Variants in COL6A6 observed in about 807,000 individuals in gnomAD.
COL6A6 encodes the protein collagen type VI alpha 6 chain.
Under a neutral mutation model 208.6 loss-of-function variants are expected in COL6A6, and 183 were observed. The ratio of observed to expected loss-of-function variants is 0.88; its 90% CI spans 0.78 to 0.99. COL6A6 has a LOEUF of 0.99. COL6A6 is among the 50% of genes least tolerant of loss of function. The pLI is 0.00. For synonymous variants in COL6A6, 973 were observed against 1,011.8 expected, an observed-to-expected ratio of 0.96 and a Z score of 0.73; for missense variants, 2,816 against 2,815.2, an observed-to-expected ratio of 1.00 and a Z score of -0.01.
rs78323304 is a variant in COL6A6 at position 130,602,593 on chromosome 3, C to T, written c.4653+2783C>T. 2.4e-3 allele frequency among the ~76,000 whole-genome samples: 372 copies of T among 152,170 alleles called. 2 individuals are homozygous for T. The highest frequency in any genetic ancestry group is 8.4e-3 in the African/African-American group (348 of 41,520). ...CACAGACAATAGAAAGTGAAGAAAG[C>T]AAGTTGGCAGGGCTTGAGGAGAAAT... On this transcript the variant is annotated intron_variant, in intron 20 of 36. Coordinates refer to ENST00000358511, the MANE Select transcript of COL6A6 (RefSeq NM_001102608.3).
intron 23 of COL6A6, among the ~76,000 whole-genome samples, chr3:130,611,238 G>A (rs1248017296): frequency 6.6e-6 from 1 of 151,730 alleles, no homozygotes; most frequent in African/African-American, 2.4e-5. Flanking sequence ...CAGATTCACA[G>A]TGCAGAAGAA....
intron 36 of COL6A6, among the ~76,000 whole-genome samples, chr3:130,673,621 T>C (rs1244925704): frequency 6.6e-6 from 1 of 152,020 alleles, no homozygotes; most frequent in African/African-American, 2.4e-5. Flanking sequence ...AATCGTCACT[T>C]TGGGGAATTT....
chr3:130,605,052 A>G (rs928401045), intron 20 of COL6A6, among the ~76,000 whole-genome samples: 7 of 152,140 alleles, frequency 4.6e-5, no homozygotes, highest in Non-Finnish European at 8.8e-5. Context: ...TTTGACACAG[A>G]TGGCCTTACT....
intron 1 of COL6A6, among the ~76,000 whole-genome samples, chr3:130,544,683 A>T (rs1451271185): frequency 6.6e-6 from 1 of 152,088 alleles, no homozygotes; most frequent in Admixed American, 6.5e-5. Flanking sequence ...TTTTCTCTAC[A>T]CCTTCAACAT....
intron 31 of COL6A6, among the ~76,000 whole-genome samples, chr3:130,643,867 G>A (rs563890730): frequency 6.6e-6 from 1 of 152,298 alleles, no homozygotes; most frequent in South Asian, 2.1e-4. Flanking sequence ...AACTTTGAAT[G>A]CAGTGTCTAT....
intron 22 of COL6A6, 44 bp from the exon 23 acceptor site, chr3:130,610,605 T>C (rs1178606164): frequency 7.2e-7 from 1 of 1,381,196 alleles, no homozygotes; most frequent in Non-Finnish European, 1.0e-6. Flanking sequence ...ATATTCAATG[T>C]TCTCTTTTAG....
chr3:130,549,972 G>A (rs2062606196), intron 1 of COL6A6, among the ~76,000 whole-genome samples: 1 of 152,118 alleles, frequency 6.6e-6, no homozygotes, highest in Admixed American at 6.5e-5. Context: ...CCATTTGTTT[G>A]TGTCATCTCT....
intron 35 of COL6A6, among the ~76,000 whole-genome samples, chr3:130,663,201 G>A (rs980073520): frequency 1.3e-5 from 2 of 152,012 alleles, no homozygotes; most frequent in Non-Finnish European, 2.9e-5. Context: ...GTCAGTGTAG[G>A]GTGAGGTCTA....
chr3:130,562,451 GAT>G, intron 2 of COL6A6, among the ~76,000 whole-genome samples: 1 of 152,130 alleles, frequency 6.6e-6, no homozygotes, highest in African/African-American at 2.4e-5. Flanking sequence ...AAAATATTAA[GAT>G]ATTTAAAATA....
chr3:130,592,821 C>T, intron 15 of COL6A6, 99 bp downstream of exon 15: 2 of 1,190,170 alleles, frequency 1.7e-6, no homozygotes, highest in Non-Finnish European at 2.4e-6. Flanking sequence ...ATAAAGTTGT[C>T]ATTGACTTTC....
At chr3:130,607,301 A>G (rs1006589296) in intron 21 of COL6A6, among the ~76,000 whole-genome samples, 6 of 152,200 alleles carry the variant, frequency 3.9e-5, no homozygotes, top group Admixed American at 6.6e-5. Context: ...TTACAATTAT[A>G]AAAAACCCCA....
chr3:130,552,457 C>G (rs1444424044), intron 1 of COL6A6, among the ~76,000 whole-genome samples: 1 of 152,006 alleles, frequency 6.6e-6, no homozygotes, highest in African/African-American at 2.4e-5. Flanking sequence ...AATAGCAAGA[C>G]CTCCTTTTTT....
intron 32 of COL6A6, among the ~76,000 whole-genome samples, chr3:130,648,047 A>C (rs887998946): frequency 1.3e-5 from 2 of 152,262 alleles, no homozygotes; most frequent in African/African-American, 2.4e-5. Flanking sequence ...ATAAACTAGG[A>C]TAAATGAACA....
At chr3:130,550,025 T>C (rs1277712760) in intron 1 of COL6A6, among the ~76,000 whole-genome samples, 1 of 152,232 alleles carries the variant, frequency 6.6e-6, no homozygotes, top group East Asian at 1.9e-4. Flanking sequence ...TGTAGAGATC[T>C]TTCACCTCCC....
intron 1 of COL6A6, among the ~76,000 whole-genome samples, chr3:130,519,345 A>G (rs1473783611): frequency 6.6e-6 from 1 of 152,184 alleles, no homozygotes; most frequent in Admixed American, 6.5e-5. Context: ...CCTCAAAAAT[A>G]TGGGTTTGTG....
Position 130,649,312 on chromosome 3 carries a change from T to C in COL6A6, c.5483T>C (p.Ile1828Thr), listed in dbSNP as rs1559787004. The C allele has an allele frequency of 6.2e-7, 1 of 1,607,480 alleles. No homozygotes were observed. Residue 1828 changes from isoleucine (I) to threonine (T), a missense_variant, in exon 33 of 37, where the codon ATT (isoleucine) becomes ACT (threonine). By Grantham distance (89) the Ile-to-Thr change is moderately conservative (BLOSUM62 -1). Transcript: ENST00000358511. Reference sequence around the variant, plus strand: ...AAGAAGAGTCAACTTCTCAGAGAAATTGAAACTATTCCTTATGAGAGATCC... The same window carrying C: ...AAGAAGAGTCAACTTCTCAGAGAAACTGAAACTATTCCTTATGAGAGATCC... ...AYKKSQLLRE[I>T]ETIPYERSSA... is the part of the protein sequence containing the mutation.
intron 1 of COL6A6, among the ~76,000 whole-genome samples, chr3:130,533,549 A>G (rs1354279451): frequency 1.3e-5 from 2 of 152,154 alleles, no homozygotes; most frequent in African/African-American, 2.4e-5. Context: ...ACATCTTTCA[A>G]TGTTTGTTCA....
At chr3:130,539,132 T>G (rs1187362808) in intron 1 of COL6A6, among the ~76,000 whole-genome samples, 1 of 152,128 alleles carries the variant, frequency 6.6e-6, no homozygotes, top group Non-Finnish European at 1.5e-5. Context: ...AAGATTGAGG[T>G]GCCCCCTGTG....
rs898562703 is a variant in COL6A6, at chr3:130,589,302, A to G, written c.4218+120A>G. On this transcript the variant is annotated intron_variant, in intron 12 of 36. Transcript: ENST00000358511. ...AATAGAGCCTCTTATATAAGAGTTT[A>G]TTATACTCCTCTTTTTATATGTTAA... 3 of 611,038 alleles carry G rather than the reference A, an allele frequency of 4.9e-6. No homozygotes were observed. The East Asian group carries it at 8.7e-5, about 18-fold the overall frequency. The allele number at this position is 611,038 out of a possible 1,614,324, so 37.9% of individuals were successfully genotyped here. A position where few individuals can be genotyped will look rare whatever the true frequency, so the allele number is the denominator to read the frequency against.
Sources: gnomAD v4.1 joint callset for allele counts (sites outside exome capture counted in the v4.1 genomes callset) on GRCh38, gnomAD v4.1.1 for gene constraint, MANE v1.5 for transcripts, NCBI Gene and HGNC (gene_info 2026-07-23, HGNC 2026-07-21) for gene names.